The following DACH1 variants were observed in gnomAD, a reference collection of about 807,000 sequenced individuals.
The protein encoded by DACH1 is dachshund family transcription factor 1, also known as dachshund homolog 1.
Under a neutral mutation model 54.2 loss-of-function variants are expected in DACH1, and 12 were observed. The observed-to-expected ratio is 0.22, with a 90% CI of 0.14 to 0.36. DACH1 has a LOEUF of 0.36. Ranked by LOEUF, DACH1 falls within the 10% of genes least tolerant of loss-of-function variation. The pLI, the probability that DACH1 is intolerant of heterozygous loss-of-function variation, is 1.00. For missense variants in DACH1, 805 were observed against 929.8 expected (o/e 0.87, Z 1.75); for synonymous variants, 386 against 366.2 (o/e 1.05, Z -0.62).
chr13:71,503,979 C>T (rs905487291), intron 6 of DACH1, among the ~76,000 whole-genome samples: 9 of 152,038 alleles, frequency 5.9e-5, no homozygotes, highest in Non-Finnish European at 7.4e-5. Flanking sequence ...CTTCCCTTGG[C>T]GAGAAGGGGA....
intron 3 of DACH1, among the ~76,000 whole-genome samples, chr13:71,589,259 G>A (rs994504160): frequency 2.6e-5 from 4 of 151,970 alleles, no homozygotes; most frequent in Non-Finnish European, 4.4e-5. Context: ...CAAGGGAAAT[G>A]TAAGTATTGA....
chr13:71,664,528 T>C (rs555163246), intron 2 of DACH1, among the ~76,000 whole-genome samples: 3 of 151,910 alleles, frequency 2.0e-5, no homozygotes, highest in Non-Finnish European at 4.4e-5. Context: ...ATAGATGCAA[T>C]GCAAGGGGGG....
intron 3 of DACH1, among the ~76,000 whole-genome samples, chr13:71,626,498 G>A (rs553719897): frequency 1.3e-5 from 2 of 152,044 alleles, no homozygotes; most frequent in South Asian, 2.1e-4. Context: ...AGCTGGTTAT[G>A]TAGATCAGTC....
chr13:71,642,849 A>G (rs971038055), intron 2 of DACH1, among the ~76,000 whole-genome samples: 7 of 151,692 alleles, frequency 4.6e-5, no homozygotes, highest in Non-Finnish European at 1.0e-4. Flanking sequence ...AGTGAAACCC[A>G]TCTCTACTGA....
Position 71,866,415 on chromosome 13 carries a change from C to A in DACH1, c.355G>T (p.Gly119Cys). The A allele has an allele frequency of 7.0e-7, 1 of 1,427,392 alleles. No homozygotes were observed. The highest frequency in any genetic ancestry group is 1.5e-5 in the African/African-American group (1 of 67,814). The allele number at this position is 1,427,392 out of a possible 1,614,324, so 88.4% of individuals were successfully genotyped here. ...CCGCCGCCAGCGCTGATGCCGCCGC[C>A]GCCGCCGCCGCTGCCGTTGCTCGCG... ...AAASNGSGGG[G>C]GGISAGGGVA... Residue 119 changes from glycine (G) to cysteine (C), a missense_variant, in exon 1 of 11, where the codon GGC (glycine) becomes TGC (cysteine). By Grantham distance (159) the Gly-to-Cys change is radical (BLOSUM62 -3). Transcript: ENST00000613252.
At chr13:71,770,126 G>A (rs1274163810) in intron 1 of DACH1, among the ~76,000 whole-genome samples, 1 of 151,606 alleles carries the variant, frequency 6.6e-6, no homozygotes, top group Non-Finnish European at 1.5e-5. Flanking sequence ...ATGTCACTGT[G>A]TCATATTAAG....
At chr13:71,689,833 T>A (rs529871473) in intron 1 of DACH1, among the ~76,000 whole-genome samples, 1 of 152,300 alleles carries the variant, frequency 6.6e-6, no homozygotes, top group Non-Finnish European at 1.5e-5. Flanking sequence ...CGTAGGTAGT[T>A]GGGATAATCT....
rs79673658 is a variant in DACH1 at position 71,780,088 on chromosome 13, C to T, written c.848+85834G>A. ...TAAAAAGGCTGTGTAAACCATAAAA[C>T]ATTACTGGGGGATAAGGGTCAGGTA... On this transcript the variant is annotated intron_variant, in intron 1 of 10. Transcript: ENST00000613252. Among the ~76,000 whole-genome samples the T allele has an allele frequency of 6.5e-3, 994 of 152,136 alleles. 15 individuals carry two copies. The highest frequency in any genetic ancestry group is 0.023 in the African/African-American group (955 of 41,500).
chr13:71,706,903 C>A (rs1373569154), intron 1 of DACH1, among the ~76,000 whole-genome samples: 1 of 152,120 alleles, frequency 6.6e-6, no homozygotes, highest in East Asian at 1.9e-4. Context: ...GCTATTTAAA[C>A]TGTTTTAAAG....
chr13:71,676,316 C>T (rs976295771), intron 2 of DACH1, among the ~76,000 whole-genome samples: 1 of 152,154 alleles, frequency 6.6e-6, no homozygotes, highest in Non-Finnish European at 1.5e-5. Context: ...TTTCCGAGTT[C>T]AGGCGATTCT....
intron 10 of DACH1, among the ~76,000 whole-genome samples, chr13:71,471,405 C>T (rs942193636): frequency 6.6e-6 from 1 of 151,898 alleles, no homozygotes; most frequent in Non-Finnish European, 1.5e-5. Context: ...TTATCTGGAG[C>T]TCTTAAGAGA....
chr13:71,742,011 C>A (rs913607774), intron 1 of DACH1, among the ~76,000 whole-genome samples: 1 of 152,094 alleles, frequency 6.6e-6, no homozygotes, highest in Non-Finnish European at 1.5e-5. Flanking sequence ...GGGAAGGATG[C>A]AGGGGGAGGT....
At chr13:71,556,567 T>G (rs2138374341) in intron 6 of DACH1, among the ~76,000 whole-genome samples, 1 of 152,300 alleles carries the variant, frequency 6.6e-6, no homozygotes, top group African/African-American at 2.4e-5. Context: ...TTGGTATATC[T>G]TGAAACAACT....
intron 1 of DACH1, among the ~76,000 whole-genome samples, chr13:71,777,412 T>C (rs1481212768): frequency 6.6e-6 from 1 of 152,126 alleles, no homozygotes; most frequent in Admixed American, 6.6e-5. Flanking sequence ...AAGCATTAAG[T>C]AGACAAAATT....
intron 4 of DACH1, among the ~76,000 whole-genome samples, chr13:71,564,480 A>C (rs1393651881): frequency 2.0e-5 from 3 of 152,022 alleles, no homozygotes; most frequent in Non-Finnish European, 2.9e-5. Flanking sequence ...ACTGAAAAAA[A>C]AAAAAAAGGT....
chr13:71,671,574 C>G (rs1566421532), intron 2 of DACH1, among the ~76,000 whole-genome samples: 1 of 151,988 alleles, frequency 6.6e-6, no homozygotes, highest in Admixed American at 6.6e-5. Flanking sequence ...TGGTCTTCCC[C>G]AACCTACCTC....
intron 6 of DACH1, among the ~76,000 whole-genome samples, chr13:71,530,509 A>C (rs1295503724): frequency 6.6e-6 from 1 of 152,150 alleles, no homozygotes; most frequent in Non-Finnish European, 1.5e-5. Flanking sequence ...TTCTTTTTAG[A>C]AAAGGAAAAA....
chr13:71,618,535 C>T (rs944410971), intron 3 of DACH1, among the ~76,000 whole-genome samples: 3 of 151,850 alleles, frequency 2.0e-5, no homozygotes, highest in Non-Finnish European at 4.4e-5. Flanking sequence ...TATTTCAAAA[C>T]CTGCATATTA....
chr13:71,778,436 T>C (rs1886161473), intron 1 of DACH1, among the ~76,000 whole-genome samples: 1 of 152,090 alleles, frequency 6.6e-6, no homozygotes, highest in East Asian at 1.9e-4. Flanking sequence ...AAACTTCCCT[T>C]CAGTGACAAA....
Sources: gnomAD v4.1 joint callset for allele counts (sites outside exome capture counted in the v4.1 genomes callset) on GRCh38, gnomAD v4.1.1 for gene constraint, MANE v1.5 for transcripts, NCBI Gene and HGNC (gene_info 2026-07-23, HGNC 2026-07-21) for gene names.